CCDC69: variants seen among roughly 807,000 people sequenced by gnomAD.
CCDC69 encodes the protein coiled-coil domain-containing protein 69.
In CCDC69, 38 loss-of-function variants were observed where a neutral mutation model predicts 40.3. The ratio of observed to expected loss-of-function variants is 0.94; its 90% CI spans 0.73 to 1.24. CCDC69 has a LOEUF of 1.24. Ranked by LOEUF, CCDC69 falls within the 50% of genes most tolerant of loss-of-function variation. The pLI is 0.00. For missense variants in CCDC69, 389 were observed against 357.9 expected (o/e 1.09, Z -0.70); for synonymous variants, 141 against 138.9 (o/e 1.02, Z -0.11).
intron 1 of CCDC69, among the ~76,000 whole-genome samples, chr5:151,211,807 A>AGGCGTG (rs1387397597): frequency 2.6e-5 from 4 of 152,110 alleles, no homozygotes; most frequent in African/African-American, 9.7e-5. Flanking sequence ...TACAGGCATT[A>AGGCGTG]GCCACCACGC....
chr5:151,185,966 G>T, intron 6 of CCDC69, 57 bp downstream of exon 6: 1 of 1,204,444 alleles, frequency 8.3e-7, no homozygotes, highest in Non-Finnish European at 1.2e-6. Flanking sequence ...CCTGTTGCCC[G>T]GCCCTGACCT....
intron 2 of CCDC69, among the ~76,000 whole-genome samples, chr5:151,203,726 CTA>C (rs1475976016): frequency 7.6e-6 from 1 of 132,008 alleles, no homozygotes; most frequent in Non-Finnish European, 1.6e-5. Flanking sequence ...CTAATAAAAT[CTA>C]TATAGTATAT....
At chr5:151,211,758 A>G (rs1485799212) in intron 1 of CCDC69, among the ~76,000 whole-genome samples, 2 of 152,040 alleles carry the variant, frequency 1.3e-5, no homozygotes, top group African/African-American at 4.8e-5. Flanking sequence ...TCCTGACTTC[A>G]AGTGATCCAC....
rs1176093876 is a variant in CCDC69 at position 151,184,353 on chromosome 5, A to T, written c.704T>A (p.Val235Asp). The T allele has an allele frequency of 6.2e-7, 1 of 1,613,640 alleles. No individual in the cohort carries two copies. The highest frequency in any genetic ancestry group is 8.5e-7 in the Non-Finnish European group (1 of 1,179,736). The change falls in exon 8 of 9, where the codon GTC (valine) becomes GAC (aspartate). Residue 235 changes from valine (V) to aspartate (D), a missense_variant. Physicochemically the swap from Val to Asp is radical, Grantham distance 152. Transcript: ENST00000355417. ...DLHVRSRNQV[V>D]LSRQLSEDLL... The stretch of plus-strand genomic sequence containing the variant: ...GCAGGAAGACAGCTACCTTGACAGG[A>T]CCACCTGGTTGCGGCTTCGGACATG...
At chr5:151,187,249 T>C (rs1357795669) in intron 5 of CCDC69, 137 bp downstream of exon 5, 2 of 682,864 alleles carry the variant, frequency 2.9e-6, no homozygotes, top group East Asian at 2.7e-5. Context: ...GGGGCCTGGA[T>C]ACACAGAAGG....
intron 4 of CCDC69, among the ~76,000 whole-genome samples, chr5:151,197,062 C>A (rs1462721136): frequency 6.6e-6 from 1 of 152,172 alleles, no homozygotes; most frequent in East Asian, 1.9e-4. Flanking sequence ...CATGCTGCAA[C>A]ACAGATGAGC....
At chr5:151,214,814 C>A (rs552476112) in intron 1 of CCDC69, among the ~76,000 whole-genome samples, 1 of 152,306 alleles carries the variant, frequency 6.6e-6, no homozygotes, top group East Asian at 1.9e-4. Context: ...GGACCACTTC[C>A]TTCTTAAATA....
At chr5:151,206,316 A>G (rs1752852560) in intron 1 of CCDC69, among the ~76,000 whole-genome samples, 1 of 152,152 alleles carries the variant, frequency 6.6e-6, no homozygotes, top group Admixed American at 6.5e-5. Context: ...GTGTTCAGCT[A>G]TGCGGAAGCT....
intron 1 of CCDC69, among the ~76,000 whole-genome samples, chr5:151,221,914 C>T (rs1753140325): frequency 6.6e-6 from 1 of 152,236 alleles, no homozygotes; most frequent in Admixed American, 6.5e-5. Flanking sequence ...AGAAATTGGG[C>T]AGGAGCACAG....
rs151212037 is a variant in CCDC69 at position 151,183,586 on chromosome 5, G to T, written c.742C>A (p.Arg248Ser). The part of the protein sequence containing the change: ...RQLSEDLLLT[R>S]EALEKEVQLR... The stretch of plus-strand genomic sequence containing the variant: ...TGCACCTCCTTCTCCAGGGCCTCAC[G>T]CGTGAGAAGCAGGTCTTCTGACAGC... Residue 248 changes from arginine to serine, a missense_variant, in exon 9 of 9, where the codon CGT becomes AGT. Transcript: ENST00000355417. 3.1e-6 allele frequency: 5 copies of T among 1,612,018 alleles called. No homozygotes were observed. Among genetic ancestry groups the T allele is most frequent in the African/African-American group, 1.3e-5 (1 of 74,876 alleles).
At chr5:151,201,897 G>T (rs1003035323) in intron 2 of CCDC69, among the ~76,000 whole-genome samples, 3 of 151,608 alleles carry the variant, frequency 2.0e-5, no homozygotes, top group African/African-American at 7.3e-5. Context: ...ATAAGCCAAT[G>T]GTCTCATTTT....
intron 1 of CCDC69, among the ~76,000 whole-genome samples, chr5:151,209,451 C>T (rs1056781229): frequency 6.6e-6 from 1 of 152,200 alleles, no homozygotes; most frequent in African/African-American, 2.4e-5. Context: ...GCTTTCAGAC[C>T]ACAGGCAGCA....
At chr5:151,205,602 G>C (rs750911945) in intron 1 of CCDC69, 127 bp from the exon 2 acceptor site, 14 of 761,024 alleles carry the variant, frequency 1.8e-5, no homozygotes, top group Non-Finnish European at 3.1e-5. Flanking sequence ...CCTGCCCCAC[G>C]CCTGCGCATT....
At chr5:151,198,931 TG>T in intron 4 of CCDC69, 65 bp downstream of exon 4, 1 of 1,199,084 alleles carries the variant, frequency 8.3e-7, no homozygotes, top group Non-Finnish European at 1.2e-6. Flanking sequence ...CCAGGTGAAC[TG>T]GGCAGGTGGG....
intron 1 of CCDC69, among the ~76,000 whole-genome samples, 156 bp from the exon 2 acceptor site, chr5:151,205,631 A>C (rs565542321): frequency 1.7e-4 from 26 of 152,218 alleles, no homozygotes; most frequent in Non-Finnish European, 3.4e-4. Flanking sequence ...TCGCAGCCCC[A>C]GGCAGCAGAC....
intron 1 of CCDC69, among the ~76,000 whole-genome samples, chr5:151,208,378 G>A (rs969192075): frequency 1.3e-5 from 2 of 152,230 alleles, no homozygotes; most frequent in African/African-American, 2.4e-5. Context: ...CTTCTCACTG[G>A]GGAGGGAAGA....
chr5:151,187,244 C>T (rs1752533311), intron 5 of CCDC69, 142 bp downstream of exon 5: 1 of 664,708 alleles, frequency 1.5e-6, no homozygotes, highest in Non-Finnish European at 2.7e-6. Flanking sequence ...ATCAAGGGGC[C>T]TGGATACACA....
chr5:151,195,003 A>T (rs1472292360), intron 4 of CCDC69, among the ~76,000 whole-genome samples: 1 of 152,114 alleles, frequency 6.6e-6, no homozygotes, highest in East Asian at 1.9e-4. Context: ...TAAAAAAAAG[A>T]CAGCAAAGGG....
rs150063526 is a variant in CCDC69, at chr5:151,192,602, C to T, written c.320-5143G>A. ...AAAAATTCGATTAAACATTTAAAAACGATATAACACCAATTCTATATAATC... is the reference window on the plus strand; with the variant it reads ...AAAAATTCGATTAAACATTTAAAAATGATATAACACCAATTCTATATAATC... On this transcript the variant is annotated intron_variant, in intron 4 of 8. Transcript: ENST00000355417. Among the ~76,000 whole-genome samples the T allele has an allele frequency of 1.1e-3, 164 of 152,272 alleles. No individual in the cohort carries two copies. In the Middle Eastern group the frequency reaches 0.017, roughly 16 times the overall value.
Sources: gnomAD v4.1 joint callset for allele counts (sites outside exome capture counted in the v4.1 genomes callset) on GRCh38, gnomAD v4.1.1 for gene constraint, MANE v1.5 for transcripts, NCBI Gene and HGNC (gene_info 2026-07-23, HGNC 2026-07-21) for gene names.